Variants in CIMIP6 observed in about 807,000 individuals in gnomAD.
CIMIP6 encodes ciliary microtubule inner protein 6.
At chr2:54,366,519 C>T in the CIMIP6 span, among the ~76,000 whole-genome samples, 12 of 152,100 alleles carry the variant, frequency 7.9e-5, no homozygotes, top group Admixed American at 7.9e-4. Flanking sequence ...TGTGAGTTTT[C>T]AATCTGAAGG....
chr2:54,354,544 CTTT>C, the CIMIP6 span, among the ~76,000 whole-genome samples: 387 of 152,044 alleles, frequency 2.5e-3, 1 homozygote, highest in African/African-American at 8.8e-3. Flanking sequence ...CTTGTGAATG[CTTT>C]TTTAATTTCT....
At chr2:54,347,519 C>T in the CIMIP6 span, among the ~76,000 whole-genome samples, 2 of 152,150 alleles carry the variant, frequency 1.3e-5, no homozygotes, top group Non-Finnish European at 2.9e-5. Context: ...GTCCCTTCCA[C>T]ATAACGAGCA....
At chr2:54,371,620 C>G in the CIMIP6 span, among the ~76,000 whole-genome samples, 133,692 of 152,266 alleles carry the variant, frequency 0.88, 58,869 homozygotes, top group Admixed American at 0.91. Context: ...TGTTGCAGTT[C>G]TCCACATCTT....
At chr2:54,382,604 C>T in the CIMIP6 span, among the ~76,000 whole-genome samples, 1 of 152,134 alleles carries the variant, frequency 6.6e-6, no homozygotes, top group African/African-American at 2.4e-5. Context: ...ATCACCTCTT[C>T]CCTTCAGTCT....
chr2:54,345,341 G>C, the CIMIP6 span, among the ~76,000 whole-genome samples: 2 of 152,130 alleles, frequency 1.3e-5, no homozygotes, highest in African/African-American at 4.8e-5. Flanking sequence ...GAAATGACTA[G>C]GAAGATAAGG....
chr2:54,346,784 A>G, the CIMIP6 span, among the ~76,000 whole-genome samples: 1 of 152,090 alleles, frequency 6.6e-6, no homozygotes, highest in East Asian at 1.9e-4. Context: ...TTCTTTCTCC[A>G]TATATGTTTT....
the CIMIP6 span, among the ~76,000 whole-genome samples, chr2:54,361,808 T>C: frequency 2.9e-4 from 44 of 152,300 alleles, no homozygotes; most frequent in African/African-American, 1.1e-3. Flanking sequence ...TTAGCATGTT[T>C]GGAAAAAGGT....
chr2:54,349,459 T>C, the CIMIP6 span, among the ~76,000 whole-genome samples: 1 of 152,188 alleles, frequency 6.6e-6, no homozygotes, highest in Non-Finnish European at 1.5e-5. Context: ...TGATAAAATA[T>C]AAATGGTTAG....
At chr2:54,331,097 G>C in the CIMIP6 span, 1 of 1,184,320 alleles carries the variant, frequency 8.4e-7, no homozygotes, top group Non-Finnish European at 1.2e-6. Flanking sequence ...TCCAGGCCAA[G>C]CTCAGACAGC....
chr2:54,335,111 G>A, the CIMIP6 span: 2 of 1,015,812 alleles, frequency 2.0e-6, no homozygotes, highest in African/African-American at 1.6e-5. Context: ...TATAAAGGAT[G>A]AGACACATCT....
chr2:54,360,639 A>G, the CIMIP6 span: 6 of 1,359,518 alleles, frequency 4.4e-6, no homozygotes, highest in Non-Finnish European at 4.9e-6. Context: ...CCTCACATTT[A>G]CTTTTCTGTT....
At chr2:54,369,465 C>A in the CIMIP6 span, among the ~76,000 whole-genome samples, 1 of 152,126 alleles carries the variant, frequency 6.6e-6, no homozygotes, top group Admixed American at 6.5e-5. Context: ...AGCAACTCTA[C>A]TTGGGTTGTG....
the CIMIP6 span, chr2:54,359,027 C>T: frequency 7.1e-6 from 11 of 1,555,448 alleles, 1 homozygote; most frequent in South Asian, 1.1e-4. Flanking sequence ...CTCTTTTATA[C>T]ATCAATATGA....
the CIMIP6 span, chr2:54,334,763 ACT>A: frequency 8.5e-7 from 1 of 1,180,764 alleles, no homozygotes; most frequent in Non-Finnish European, 1.2e-6. Context: ...CATAATTTTG[ACT>A]CAATATTTTA....
chr2:54,381,760 A>G, the CIMIP6 span: 35 of 1,441,432 alleles, frequency 2.4e-5, no homozygotes, highest in Non-Finnish European at 3.1e-5. Flanking sequence ...GGCACATTTC[A>G]GAACTCCATC....
At chr2:54,347,117 TAAGAA>T in the CIMIP6 span, among the ~76,000 whole-genome samples, 1,464 of 152,268 alleles carry the variant, frequency 9.6e-3, 28 homozygotes, top group African/African-American at 0.033. Context: ...AAAATCTGAA[TAAGAA>T]AAGAAAACAG....
chr2:54,339,086 G>T, the CIMIP6 span, among the ~76,000 whole-genome samples: 8 of 72,904 alleles, frequency 1.1e-4, 3 homozygotes, highest in Admixed American at 1.1e-3. Flanking sequence ...AACCTGGCAG[G>T]CAGAGGTTGC....
At chr2:54,377,982 G>A in the CIMIP6 span, among the ~76,000 whole-genome samples, 800 of 152,338 alleles carry the variant, frequency 5.3e-3, 9 homozygotes, top group African/African-American at 0.018. Context: ...CAGAACAGGA[G>A]CTTAGTACAT....
chr2:54,372,906 C>T, the CIMIP6 span, among the ~76,000 whole-genome samples: 22 of 152,134 alleles, frequency 1.4e-4, no homozygotes, highest in Admixed American at 8.5e-4. Context: ...CTACCTCCTA[C>T]GTTTCCCCTC....
Sources: allele counts gnomAD v4.1 joint callset (sites outside exome capture counted in the v4.1 genomes callset), GRCh38; gene constraint gnomAD v4.1.1; transcripts MANE v1.5; gene names NCBI Gene and HGNC (gene_info 2026-07-23, HGNC 2026-07-21).